ELF4: variants seen among roughly 807,000 people sequenced by gnomAD.
ELF4 encodes ETS-related transcription factor Elf-4.
A neutral mutation model predicts 31.7 loss-of-function variants in ELF4; 10 were observed. That is an observed-to-expected ratio of 0.32 (90% confidence interval 0.19 to 0.54). The LOEUF (loss-of-function observed/expected upper bound fraction) is 0.54. Among genes scored for constraint, ELF4 ranks in the 20% least tolerant of loss-of-function variants. ELF4 has a pLI of 0.95. For missense variants in ELF4, 418 were observed against 522.0 expected (o/e 0.80, Z 1.94); for synonymous variants, 208 against 226.7 (o/e 0.92, Z 0.74).
chrX:130,090,351 C>A (rs778393557), intron 1 of ELF4, among the ~76,000 whole-genome samples: 6 of 107,936 alleles, frequency 5.6e-5, no homozygotes, highest in African/African-American at 1.7e-4. Flanking sequence ...CCAGCCTGGG[C>A]GACAGAGCAA....
intron 1 of ELF4, among the ~76,000 whole-genome samples, chrX:130,101,234 T>A (rs900585681): frequency 8.9e-6 from 1 of 112,461 alleles, no homozygotes; most frequent in Non-Finnish European, 1.9e-5. Flanking sequence ...AGGAAAAATT[T>A]TATTTAAAGA....
chrX:130,082,936 G>A (rs955329385), intron 1 of ELF4, among the ~76,000 whole-genome samples: 35 of 111,144 alleles, frequency 3.1e-4, no homozygotes, highest in Non-Finnish European at 4.7e-4. Flanking sequence ...ATCCTGGCCC[G>A]GAAAGAAATG....
At chrX:130,074,212 T>C in intron 3 of ELF4, 71 bp from the exon 4 acceptor site, 9 of 1,059,046 alleles carry the variant, frequency 8.5e-6, no homozygotes, top group Non-Finnish European at 9.2e-6. Flanking sequence ...GGTACAGCTA[T>C]AATCAGGGCC....
At chrX:130,106,748 A>G (rs1312079055) in intron 1 of ELF4, among the ~76,000 whole-genome samples, 1 of 112,150 alleles carries the variant, frequency 8.9e-6, no homozygotes, top group East Asian at 2.8e-4. Flanking sequence ...TTAGAAATCC[A>G]GGAGAGATGC....
intron 1 of ELF4, among the ~76,000 whole-genome samples, chrX:130,094,138 GCGGA>G (rs1933106869): frequency 9.1e-6 from 1 of 109,461 alleles, no homozygotes; most frequent in African/African-American, 3.5e-5. Context: ...GCCAAGGTGG[GCGGA>G]TCATGAGGTC....
At chrX:130,107,092 A>T (rs1238023878) in intron 1 of ELF4, among the ~76,000 whole-genome samples, 1 of 111,503 alleles carries the variant, frequency 9.0e-6, no homozygotes, top group Admixed American at 9.5e-5. Flanking sequence ...CCTGGCCAAC[A>T]TGGTGAAACC....
intron 1 of ELF4, among the ~76,000 whole-genome samples, chrX:130,084,531 G>A (rs1380225094): frequency 8.9e-6 from 1 of 112,055 alleles, no homozygotes; most frequent in Admixed American, 9.4e-5. Context: ...CAAAATCCAG[G>A]ACTTGGTGGG....
chrX:130,100,289 C>T (rs985650379), intron 1 of ELF4, among the ~76,000 whole-genome samples: 3 of 111,995 alleles, frequency 2.7e-5, no homozygotes, highest in Non-Finnish European at 3.8e-5. Flanking sequence ...TCTGAGCTGG[C>T]GCCAACTCCT....
Position 130,071,030 on chromosome X carries a change from C to G in ELF4, c.809+10G>C. The G allele has an allele frequency of 8.3e-7, 1 of 1,211,707 alleles. No individual in the cohort carries two copies. The highest frequency in any genetic ancestry group is 3.0e-5 in the East Asian group (1 of 33,830). ...GGGCAGGGGTTCTGCATCATCCCAA[C>G]AGCTCCTACCTTAGTGCCCGCCCCA... is the stretch of plus-strand genomic sequence containing the variant. On this transcript the variant is annotated intron_variant, in intron 7 of 8. Coordinates refer to ENST00000308167, the MANE Select transcript of ELF4 (RefSeq NM_001421.4).
At chrX:130,102,585 G>A (rs113072405) in intron 1 of ELF4, among the ~76,000 whole-genome samples, 228 of 110,236 alleles carry the variant, frequency 2.1e-3, no homozygotes, top group African/African-American at 7.2e-3. Flanking sequence ...AGGCCAAGCT[G>A]GGAGGATAGC....
chrX:130,106,237 A>C (rs1368140303), intron 1 of ELF4, among the ~76,000 whole-genome samples: 1 of 106,306 alleles, frequency 9.4e-6, no homozygotes, highest in Non-Finnish European at 1.9e-5. Flanking sequence ...CTCCAGTCCC[A>C]GCCGTGCTGG....
At chrX:130,107,446 C>T (rs527554279) in intron 1 of ELF4, among the ~76,000 whole-genome samples, 3 of 111,261 alleles carry the variant, frequency 2.7e-5, no homozygotes, top group South Asian at 7.6e-4. Flanking sequence ...GTGCTTGATC[C>T]CCCACACTGG....
chrX:130,105,520 T>C (rs1933362302), intron 1 of ELF4, among the ~76,000 whole-genome samples: 2 of 111,363 alleles, frequency 1.8e-5, no homozygotes, highest in Admixed American at 1.9e-4. Flanking sequence ...GGGAGTTTTT[T>C]ATCCAATTAA....
At chrX:130,073,510 A>C (rs1932806388) in intron 4 of ELF4, among the ~76,000 whole-genome samples, 1 of 110,593 alleles carries the variant, frequency 9.0e-6, no homozygotes, top group South Asian at 3.8e-4. Context: ...AAATGGAAAT[A>C]AATTATTATT....
rs1275810458 is a variant in ELF4 at position 130,072,062 on chromosome X, G to T, written c.532+164C>A. Among the ~76,000 whole-genome samples, 6 of 112,081 alleles carry T rather than the reference G, an allele frequency of 5.4e-5. No homozygotes were observed. In the East Asian group the frequency reaches 1.7e-3, roughly 31 times the overall value. On this transcript the variant is annotated intron_variant, in intron 5 of 8. Coordinates refer to ENST00000308167, the MANE Select transcript of ELF4 (RefSeq NM_001421.4). The stretch of plus-strand genomic sequence containing the variant: ...GCAGCATGGGAAATGTCAGGCTACA[G>T]GCAGACTAACGGATGAGGCCAGGTT...
chrX:130,088,108 T>A (rs775058141), intron 1 of ELF4, among the ~76,000 whole-genome samples: 1 of 110,979 alleles, frequency 9.0e-6, no homozygotes, highest in Admixed American at 9.6e-5. Context: ...GGCAGTTTGG[T>A]CTGGGTATAA....
intron 2 of ELF4, among the ~76,000 whole-genome samples, chrX:130,077,849 G>A (rs1192795384): frequency 2.7e-5 from 3 of 111,899 alleles, no homozygotes; most frequent in African/African-American, 9.7e-5. Context: ...AGGTATCAGA[G>A]GTTTCTAGGA....
intron 1 of ELF4, among the ~76,000 whole-genome samples, chrX:130,110,044 C>G (rs1603214289): frequency 8.9e-6 from 1 of 111,925 alleles, no homozygotes; most frequent in South Asian, 3.7e-4. Context: ...TGATCGGCCC[C>G]GTCACGGAAC....
chrX:130,080,790 G>A (rs980774508), intron 2 of ELF4, among the ~76,000 whole-genome samples: 4 of 112,180 alleles, frequency 3.6e-5, no homozygotes, highest in Admixed American at 9.5e-5. Flanking sequence ...AGACGACTCT[G>A]AAAATGTCAG....
Sources: allele counts gnomAD v4.1 joint callset (sites outside exome capture counted in the v4.1 genomes callset), GRCh38; gene constraint gnomAD v4.1.1; transcripts MANE v1.5; gene names NCBI Gene and HGNC (gene_info 2026-07-23, HGNC 2026-07-21).